The following FUT8 variants were observed in gnomAD, a reference collection of about 807,000 sequenced individuals.
The protein encoded by FUT8 is alpha-(1,6)-fucosyltransferase.
A neutral mutation model predicts 71.3 loss-of-function variants in FUT8; 29 were observed. That is an observed-to-expected ratio of 0.41 (90% CI 0.30 to 0.55). The LOEUF is 0.55. Among genes scored for constraint, FUT8 ranks in the 20% least tolerant of loss-of-function variants. FUT8 has a pLI of 0.34. For missense variants in FUT8, 544 were observed against 702.1 expected, an observed-to-expected ratio of 0.77 and a Z score of 2.55; for synonymous variants, 254 against 239.3, an observed-to-expected ratio of 1.06 and a Z score of -0.57.
chr14:65,583,578 T>C (rs1887201749), intron 3 of FUT8, among the ~76,000 whole-genome samples: 1 of 151,854 alleles, frequency 6.6e-6, no homozygotes, highest in South Asian at 2.1e-4. Flanking sequence ...AAAACTCTGA[T>C]AAGTACCTTA....
chr14:65,463,295 C>T (rs1030401750), intron 2 of FUT8, among the ~76,000 whole-genome samples: 32 of 152,076 alleles, frequency 2.1e-4, no homozygotes, highest in African/African-American at 5.6e-4. Flanking sequence ...GAGACAGGGC[C>T]TCACTCTATT....
At chr14:65,598,060 G>A (rs1176645709) in intron 3 of FUT8, among the ~76,000 whole-genome samples, 3 of 152,010 alleles carry the variant, frequency 2.0e-5, no homozygotes, top group Non-Finnish European at 2.9e-5. Context: ...GTAGTTCCCA[G>A]CTACTCTGGA....
chr14:65,724,385 T>G, intron 9 of FUT8, 62 bp downstream of exon 9: 2 of 1,014,464 alleles, frequency 2.0e-6, no homozygotes, highest in Non-Finnish European at 2.9e-6. Flanking sequence ...AAAGAATTCT[T>G]ACTTCCCATG....
chr14:65,547,417 C>G (rs1885043580), intron 2 of FUT8, among the ~76,000 whole-genome samples: 1 of 151,086 alleles, frequency 6.6e-6, no homozygotes. Context: ...GTTGTAAACC[C>G]CATAATACTT....
At chr14:65,420,251 CAAAG>C (rs111379884) in intron 1 of FUT8, among the ~76,000 whole-genome samples, 10,870 of 152,078 alleles carry the variant, frequency 0.071, 457 homozygotes, top group Admixed American at 0.11. Context: ...GACTAGATAA[CAAAG>C]AAAAGAACAC....
upstream of FUT8, chr14:65,411,935 C>T: frequency 2.3e-6 from 1 of 433,272 alleles, no homozygotes. Flanking sequence ...TGCTCTGGGG[C>T]AGCCCTTCGG....
chr14:65,547,471 TA>T (rs1273607997), intron 2 of FUT8, among the ~76,000 whole-genome samples: 5 of 151,674 alleles, frequency 3.3e-5, no homozygotes, highest in African/African-American at 1.2e-4. Flanking sequence ...TGAAAGAAAT[TA>T]GAAATGAGGA....
At chr14:65,599,154 T>G (rs1424191243) in intron 3 of FUT8, among the ~76,000 whole-genome samples, 1 of 152,160 alleles carries the variant, frequency 6.6e-6, no homozygotes, top group Non-Finnish European at 1.5e-5. Flanking sequence ...GTTTCCTACC[T>G]TATAAATGAG....
chr14:65,426,006 C>G (rs2210805), intron 1 of FUT8, among the ~76,000 whole-genome samples: 104,933 of 151,600 alleles, frequency 0.69, 36,642 homozygotes, highest in East Asian at 0.9. Flanking sequence ...TTTCTTAGCA[C>G]ATTTAGTGTG....
chr14:65,718,298 C>T lies in FUT8; in HGVS notation c.836-3477C>T, dbSNP rs115812049. On this transcript the variant is annotated intron_variant, in intron 7 of 10. Transcript: ENST00000673929. ...ATAACTTATAGCTCGTTATTTTAAA[C>T]TGATGACAATTTGGCACCGATTGCA... is the stretch of plus-strand genomic sequence containing the variant. Among the ~76,000 whole-genome samples, 527 of 152,278 alleles carry T rather than the reference C, an allele frequency of 3.5e-3. 2 individuals carry two copies. Among genetic ancestry groups the T allele is most frequent in the African/African-American group, 0.012 (502 of 41,560 alleles).
At chr14:65,511,668 A>G (rs1272407546) in intron 2 of FUT8, among the ~76,000 whole-genome samples, 1 of 151,998 alleles carries the variant, frequency 6.6e-6, no homozygotes. Flanking sequence ...CTCTTCTTAC[A>G]GTTTTTGTCT....
chr14:65,425,248 C>T (rs968165500), intron 1 of FUT8, among the ~76,000 whole-genome samples: 6 of 152,024 alleles, frequency 3.9e-5, no homozygotes, highest in African/African-American at 1.4e-4. Context: ...TCACCACAAC[C>T]TCCACCTCCT....
At chr14:65,408,700 G>A (rs2065096570), upstream of FUT8, among the ~76,000 whole-genome samples, 3 of 152,214 alleles carry the variant, frequency 2.0e-5, no homozygotes, top group Admixed American at 2.0e-4. Flanking sequence ...GCAAGTCATA[G>A]GGAGGGATAG....
rs961441474 is a variant in FUT8, at chr14:65,701,999, C to A, written c.836-19776C>A. Among the ~76,000 whole-genome samples the A allele has an allele frequency of 4.6e-5, 7 of 152,178 alleles. No individual in the cohort carries two copies. The South Asian group carries it at 1.5e-3, about 32-fold the overall frequency. On this transcript the variant is annotated intron_variant, in intron 7 of 10. Transcript: ENST00000673929. ...CAGAATGTCTGGGTTCAACTCCTGT[C>A]TCTGACTCCTAGCTGAGTGACCTTA...
At chr14:65,378,595 A>C in the FUT8 span, among the ~76,000 whole-genome samples, 3 of 152,178 alleles carry the variant, frequency 2.0e-5, no homozygotes, top group African/African-American at 7.2e-5. Context: ...CCTGAAAGCT[A>C]TTTATTTTGG....
chr14:65,602,369 A>G (rs1471856699), intron 3 of FUT8, among the ~76,000 whole-genome samples: 1 of 135,872 alleles, frequency 7.4e-6, no homozygotes, highest in Non-Finnish European at 1.5e-5. Context: ...ACACACACAC[A>G]CACACACACA....
chr14:65,691,118 G>T (rs1019749434), intron 7 of FUT8, among the ~76,000 whole-genome samples: 1 of 151,166 alleles, frequency 6.6e-6, no homozygotes, highest in African/African-American at 2.5e-5. Flanking sequence ...TTTTTTTGGG[G>T]GGTGGAGGGG....
At chr14:65,591,766 GTTGTTGCCTTTCTCTTA>G (rs1887699681) in intron 3 of FUT8, among the ~76,000 whole-genome samples, 1 of 151,264 alleles carries the variant, frequency 6.6e-6, no homozygotes, top group Non-Finnish European at 1.5e-5. Context: ...CTGAAAATTA[GTTGTTGCCTTTCTCTTA>G]AAGTATTGTG....
intron 6 of FUT8, among the ~76,000 whole-genome samples, chr14:65,645,302 A>G (rs1243174769): frequency 1.3e-5 from 2 of 152,202 alleles, no homozygotes. Context: ...CCCCAGAAAA[A>G]TAATTTTTAA....
Sources: allele counts gnomAD v4.1 joint callset (sites outside exome capture counted in the v4.1 genomes callset), GRCh38; gene constraint gnomAD v4.1.1; transcripts MANE v1.5; gene names NCBI Gene and HGNC (gene_info 2026-07-23, HGNC 2026-07-21).